LRRC4C: variants seen among roughly 807,000 people sequenced by gnomAD.
The protein encoded by LRRC4C is leucine-rich repeat-containing protein 4C.
In LRRC4C, 5 loss-of-function variants were observed where a neutral mutation model predicts 33.6. The observed-to-expected ratio is 0.15, with a 90% confidence interval of 0.08 to 0.31. The LOEUF is 0.31. LRRC4C is among the 10% of genes least tolerant of loss of function. The pLI is 1.00. For synonymous variants in LRRC4C, 329 were observed against 302.0 expected (o/e 1.09, Z -0.93); for missense variants, 560 against 796.7 (o/e 0.70, Z 3.58).
intron 2 of LRRC4C, among the ~76,000 whole-genome samples, chr11:40,726,777 A>T (rs769351044): frequency 5.3e-5 from 8 of 152,176 alleles, no homozygotes; most frequent in Non-Finnish European, 1.0e-4. Flanking sequence ...CAAGAGAAAG[A>T]AATAAAAGTC....
chr11:40,502,164 G>A (rs1475792625), intron 3 of LRRC4C, among the ~76,000 whole-genome samples: 1 of 152,090 alleles, frequency 6.6e-6, no homozygotes, highest in African/African-American at 2.4e-5. Context: ...GGACTTTATT[G>A]TCTGTATCAT....
chr11:40,934,909 C>G (rs1214022679), intron 1 of LRRC4C, among the ~76,000 whole-genome samples: 1 of 152,124 alleles, frequency 6.6e-6, no homozygotes, highest in East Asian at 1.9e-4. Context: ...ATTTTCTCTT[C>G]CTGCTATTTC....
chr11:40,593,446 C>T (rs1176029563), intron 3 of LRRC4C, among the ~76,000 whole-genome samples: 1 of 152,090 alleles, frequency 6.6e-6, no homozygotes, highest in African/African-American at 2.4e-5. Flanking sequence ...TATACACAGA[C>T]ACAAGTATAA....
chr11:40,552,688 T>C (rs1957172451), intron 3 of LRRC4C, among the ~76,000 whole-genome samples: 2 of 152,196 alleles, frequency 1.3e-5, no homozygotes, highest in Non-Finnish European at 2.9e-5. Flanking sequence ...GTTTTCATGT[T>C]TTAAACCTAT....
intron 3 of LRRC4C, among the ~76,000 whole-genome samples, chr11:40,345,330 G>A (rs758993353): frequency 6.6e-6 from 1 of 152,092 alleles, no homozygotes; most frequent in Non-Finnish European, 1.5e-5. Flanking sequence ...AAAACAGCAT[G>A]ATACTGGTAC....
chr11:40,598,374 ATC>A, intron 3 of LRRC4C, among the ~76,000 whole-genome samples: 1 of 152,306 alleles, frequency 6.6e-6, no homozygotes, highest in Middle Eastern at 3.4e-3. Flanking sequence ...TTGTTATAGC[ATC>A]TGTCACCTTT....
At chr11:41,312,384 C>A (rs114216574) in intron 1 of LRRC4C, among the ~76,000 whole-genome samples, 1,676 of 152,276 alleles carry the variant, frequency 0.011, 27 homozygotes, top group African/African-American at 0.038. Context: ...TTTATGAATT[C>A]TATACCAGTA....
rs544849209 is a variant in LRRC4C at position 41,379,186 on chromosome 11, A to G, written c.-496+80245T>C. Reference sequence around the variant, plus strand: ...CACCTCTTTTGGATTAGTAACTCCCAAGTAACTTGTCACTTGCACTGTGGT... The same window carrying G: ...CACCTCTTTTGGATTAGTAACTCCCGAGTAACTTGTCACTTGCACTGTGGT... On this transcript the variant is annotated intron_variant, in intron 1 of 6. Transcript: ENST00000528697. 7.2e-5 allele frequency among the ~76,000 whole-genome samples: 11 copies of G among 152,238 alleles called. No individual in the cohort carries two copies. In the South Asian group the frequency reaches 2.3e-3, roughly 32 times the overall value.
chr11:41,149,510 C>CAAAAA (rs57914595), intron 1 of LRRC4C, among the ~76,000 whole-genome samples: 2 of 55,470 alleles, frequency 3.6e-5, no homozygotes, highest in Non-Finnish European at 3.5e-5. Context: ...ACTCCGTCTC[C>CAAAAA]AAAAAAAAAA....
chr11:41,127,957 C>T (rs1040044367), intron 1 of LRRC4C, among the ~76,000 whole-genome samples: 8 of 152,100 alleles, frequency 5.3e-5, no homozygotes, highest in South Asian at 4.1e-4. Flanking sequence ...TCCATTGCTT[C>T]GCAAGCCAAG....
intron 1 of LRRC4C, among the ~76,000 whole-genome samples, chr11:41,085,419 T>C (rs999286219): frequency 2.0e-5 from 3 of 152,206 alleles, no homozygotes; most frequent in Non-Finnish European, 2.9e-5. Context: ...AGTGGTAGTG[T>C]TAATAGTGAG....
intron 3 of LRRC4C, among the ~76,000 whole-genome samples, chr11:40,376,201 C>A (rs1404216320): frequency 6.6e-6 from 1 of 152,098 alleles, no homozygotes; most frequent in Admixed American, 6.5e-5. Flanking sequence ...ATTCAAAACA[C>A]CATTATTAAA....
intron 2 of LRRC4C, among the ~76,000 whole-genome samples, chr11:40,764,889 C>T (rs951542115): frequency 1.3e-5 from 2 of 152,198 alleles, no homozygotes; most frequent in Admixed American, 6.5e-5. Flanking sequence ...CTTGGGGTAA[C>T]CCCTAATGCA....
chr11:41,194,930 C>A (rs865861767), intron 1 of LRRC4C, among the ~76,000 whole-genome samples: 2 of 152,056 alleles, frequency 1.3e-5, no homozygotes, highest in Middle Eastern at 6.8e-3. Context: ...GATCCTAGTT[C>A]CTGCGGAGGA....
At chr11:41,018,252 G>A (rs1216083244) in intron 1 of LRRC4C, among the ~76,000 whole-genome samples, 4 of 152,116 alleles carry the variant, frequency 2.6e-5, no homozygotes, top group Non-Finnish European at 5.9e-5. Context: ...ACATTCACGT[G>A]TTCTAGAGCA....
chr11:40,582,209 C>A (rs532152918), intron 3 of LRRC4C, among the ~76,000 whole-genome samples: 2 of 151,900 alleles, frequency 1.3e-5, no homozygotes, highest in African/African-American at 4.8e-5. Context: ...AACATTTTTA[C>A]GTAAGGTTTT....
intron 3 of LRRC4C, among the ~76,000 whole-genome samples, chr11:40,377,236 T>C (rs1948695564): frequency 6.6e-6 from 1 of 152,146 alleles, no homozygotes; most frequent in South Asian, 2.1e-4. Context: ...GATTATCCAC[T>C]AGTGGTTTTA....
intron 2 of LRRC4C, among the ~76,000 whole-genome samples, chr11:40,815,916 C>T (rs1489208974): frequency 2.6e-5 from 4 of 152,216 alleles, no homozygotes; most frequent in Non-Finnish European, 5.9e-5. Flanking sequence ...AACTACATAT[C>T]TTTCTTAATA....
intron 1 of LRRC4C, among the ~76,000 whole-genome samples, chr11:41,055,578 C>T (rs1858559276): frequency 6.6e-6 from 1 of 152,046 alleles, no homozygotes; most frequent in Non-Finnish European, 1.5e-5. Context: ...CTTTTCAGTT[C>T]CTAATGAGGT....
Sources: gnomAD v4.1 joint callset for allele counts (sites outside exome capture counted in the v4.1 genomes callset) on GRCh38, gnomAD v4.1.1 for gene constraint, MANE v1.5 for transcripts, NCBI Gene and HGNC (gene_info 2026-07-23, HGNC 2026-07-21) for gene names.